ETV7: variants seen among roughly 807,000 people sequenced by gnomAD.
ETV7 encodes the protein ETS variant transcription factor 7, also known as transcription factor ETV7.
Under a neutral mutation model 39.1 loss-of-function variants are expected in ETV7, and 43 were observed. The ratio of observed to expected loss-of-function variants is 1.10; its 90% CI spans 0.86 to 1.42. ETV7 has a LOEUF of 1.42. Among genes scored for constraint, ETV7 ranks in the 40% most tolerant of loss-of-function variants. The pLI is 0.00. For synonymous variants in ETV7, 196 were observed against 176.6 expected (o/e 1.11, Z -0.87); for missense variants, 432 against 442.3 (o/e 0.98, Z 0.21).
At chr6:36,385,807 G>A in intron 1 of ETV7, 138 bp from the exon 2 acceptor site, 2 of 869,856 alleles carry the variant, frequency 2.3e-6, no homozygotes, top group South Asian at 1.8e-5. Context: ...TTAAAGGTAG[G>A]AACCATGTAT....
At chr6:36,363,434 G>A (rs1314658312), downstream of ETV7, among the ~76,000 whole-genome samples, 1 of 152,004 alleles carries the variant, frequency 6.6e-6, no homozygotes, top group Non-Finnish European at 1.5e-5. Flanking sequence ...CCTTCACGGT[G>A]AGTGTTACAG....
At chr6:36,363,173 C>A (rs1419417012), downstream of ETV7, among the ~76,000 whole-genome samples, 1 of 152,220 alleles carries the variant, frequency 6.6e-6, no homozygotes, top group Non-Finnish European at 1.5e-5. Context: ...TCACTGACTT[C>A]AAGAATGAAG....
In ETV7 at chr6:36,372,928, G is replaced by A. The variant is rs187821152; in HGVS notation, c.433+525C>T. 1.3e-3 allele frequency among the ~76,000 whole-genome samples: 190 copies of A among 151,840 alleles called. 1 individual carries two copies. Among genetic ancestry groups the A allele is most frequent in the African/African-American group, 4.1e-3 (171 of 41,362 alleles). On this transcript the variant is annotated intron_variant, in intron 4 of 7. Transcript: ENST00000340181. Reference sequence around the variant, plus strand: ...ATCTGAATGCAGATAGAGAAGCAGAGAGGGGTACCCCAACATCTAGAAGCA... The same window carrying A: ...ATCTGAATGCAGATAGAGAAGCAGAAAGGGGTACCCCAACATCTAGAAGCA...
At chr6:36,370,793 T>C (rs1326086975) in intron 5 of ETV7, among the ~76,000 whole-genome samples, 1 of 152,174 alleles carries the variant, frequency 6.6e-6, no homozygotes, top group Admixed American at 6.5e-5. Context: ...CCTTTAACAA[T>C]GAATGCAGAG....
At chr6:36,364,709 A>C (rs1293370880), downstream of ETV7, among the ~76,000 whole-genome samples, 1 of 152,166 alleles carries the variant, frequency 6.6e-6, no homozygotes, top group Non-Finnish European at 1.5e-5. Flanking sequence ...AGGGCTCCTC[A>C]AGTGCCGCCA....
intron 2 of ETV7, among the ~76,000 whole-genome samples, chr6:36,376,755 G>A (rs1004960297): frequency 6.1e-5 from 9 of 148,426 alleles, no homozygotes; most frequent in South Asian, 4.3e-4. Context: ...CAGCCTGGGC[G>A]ACAGAGCGAG....
intron 1 of ETV7, among the ~76,000 whole-genome samples, chr6:36,386,098 C>T (rs994223546): frequency 4.6e-5 from 7 of 152,050 alleles, no homozygotes; most frequent in African/African-American, 1.4e-4. Flanking sequence ...GAGTCTGGGG[C>T]GGGTGGATTA....
At chr6:36,376,126 T>G in intron 2 of ETV7, 91 bp from the exon 3 acceptor site, 4 of 1,232,404 alleles carry the variant, frequency 3.2e-6, no homozygotes, top group Non-Finnish European at 4.4e-6. Context: ...GATGCTCCCC[T>G]GTCCTGGCCC....
Position 36,387,586 on chromosome 6 carries a change from TCC to T in ETV7, c.-47_-46del. The T allele has an allele frequency of 6.2e-7, 1 of 1,611,332 alleles. No individual in the cohort carries two copies. Among genetic ancestry groups the T allele is most frequent in the Non-Finnish European group, 8.5e-7 (1 of 1,178,358 alleles). Reference sequence around the variant, plus strand: ...GCCACCGGCTTTCTGTCTTGAGCGCTCCCCTGGCTGTGGCTGCTGGGGCCCTA... The same window carrying T: ...GCCACCGGCTTTCTGTCTTGAGCGCTCCTGGCTGTGGCTGCTGGGGCCCTA... On this transcript the variant is annotated 5_prime_UTR_variant, in exon 1 of 8. Coordinates refer to ENST00000340181, the MANE Select transcript of ETV7 (RefSeq NM_016135.4).
intron 2 of ETV7, among the ~76,000 whole-genome samples, chr6:36,382,258 T>C (rs1335810725): frequency 1.3e-5 from 2 of 152,232 alleles, no homozygotes; most frequent in Non-Finnish European, 2.9e-5. Flanking sequence ...CAGCTACCTT[T>C]ACTATTTATA....
intron 7 of ETV7, among the ~76,000 whole-genome samples, chr6:36,355,637 T>C (rs1772318127): frequency 6.6e-6 from 1 of 152,252 alleles, no homozygotes; most frequent in African/African-American, 2.4e-5. Flanking sequence ...GGTCTCGAAC[T>C]CCTGGCCTCA....
At chr6:36,386,157 A>G (rs9368924) in intron 1 of ETV7, among the ~76,000 whole-genome samples, 73,928 of 151,950 alleles carry the variant, frequency 0.49, 18,856 homozygotes, top group Middle Eastern at 0.61. Flanking sequence ...GTGAAACATT[A>G]TCTCTACGAA....
chr6:36,366,081 C>T (rs1396021657), downstream of ETV7: 4 of 598,300 alleles, frequency 6.7e-6, no homozygotes, highest in East Asian at 1.4e-4. Flanking sequence ...GGCTGAGGCA[C>T]GAGAATCTCT....
intron 5 of ETV7, among the ~76,000 whole-genome samples, chr6:36,369,912 A>G (rs1027350308): frequency 4.6e-5 from 7 of 151,912 alleles, no homozygotes; most frequent in Admixed American, 2.6e-4. Context: ...CTCTTAAAAA[A>G]AAAAAAACCC....
chr6:36,362,801 T>C (rs115831410), downstream of ETV7, among the ~76,000 whole-genome samples: 543 of 152,334 alleles, frequency 3.6e-3, 1 homozygote, highest in African/African-American at 0.012. Context: ...ATGGTCTCAG[T>C]GCTGGGTGAG....
chr6:36,355,746 C>T (rs1772320069), intron 7 of ETV7, among the ~76,000 whole-genome samples: 1 of 152,188 alleles, frequency 6.6e-6, no homozygotes, highest in South Asian at 2.1e-4. Flanking sequence ...TGAGAGAAAA[C>T]TAGAATCATA....
In ETV7 at chr6:36,385,603, G is replaced by A; in HGVS notation, c.73C>T (p.Gln25Ter). 6.2e-7 allele frequency: 1 copy of A among 1,614,244 alleles called. No individual in the cohort carries two copies. Among genetic ancestry groups the A allele is most frequent in the Non-Finnish European group, 8.5e-7 (1 of 1,180,042 alleles). The change falls in exon 2 of 8, where the codon CAA (glutamine) becomes TAA (stop). Residue 25 changes from glutamine (Q) to a stop codon, truncating the protein, a stop_gained. Transcript: ENST00000340181. LOFTEE classifies it high-confidence loss of function. ...TTAATTTGAGCTTCACATCTGGCTT[G>A]CACGTGGGTGCCTAGGGGAGGCATG... The part of the protein sequence containing the change: ...AAMPPLGTHV[Q>*]ARCEAQINLL...
chr6:36,374,419 T>C lies in ETV7; in HGVS notation c.308-841A>G, dbSNP rs559668982. 2.6e-5 allele frequency among the ~76,000 whole-genome samples: 4 copies of C among 151,660 alleles called. No homozygotes were observed. The East Asian group carries it at 7.7e-4, about 29-fold the overall frequency. On this transcript the variant is annotated intron_variant, in intron 3 of 7. Coordinates refer to ENST00000340181, the MANE Select transcript of ETV7 (RefSeq NM_016135.4). ...CCAGAAATCTTCTTTGACTCATACCTTGGGCTAAGGTGCTGATAGTAGGGC... is the reference window on the plus strand; with the variant it reads ...CCAGAAATCTTCTTTGACTCATACCCTGGGCTAAGGTGCTGATAGTAGGGC...
chr6:36,370,704 T>G (rs868496905), intron 5 of ETV7, among the ~76,000 whole-genome samples: 19 of 150,912 alleles, frequency 1.3e-4, no homozygotes, highest in African/African-American at 4.1e-4. Flanking sequence ...AAAAAAAGAA[T>G]AAATGCAGTG....
Sources: allele counts gnomAD v4.1 joint callset (sites outside exome capture counted in the v4.1 genomes callset), GRCh38; gene constraint gnomAD v4.1.1; transcripts MANE v1.5; gene names NCBI Gene and HGNC (gene_info 2026-07-23, HGNC 2026-07-21).